IRAG1: variants seen among roughly 807,000 people sequenced by gnomAD.
IRAG1 encodes the protein inositol 1,4,5-triphosphate receptor associated 1, also known as IP3R-associated cGMP kinase substrate.
Under a neutral mutation model 106.2 loss-of-function variants are expected in IRAG1, and 62 were observed. The observed-to-expected ratio is 0.58, with a 90% CI of 0.48 to 0.72. IRAG1 has a LOEUF of 0.72. IRAG1 is among the 30% of genes least tolerant of loss of function. IRAG1 has a pLI of 0.00. For synonymous variants in IRAG1, 462 were observed against 443.9 expected, an observed-to-expected ratio of 1.04 and a Z score of -0.51; for missense variants, 1,064 against 1,140.7, an observed-to-expected ratio of 0.93 and a Z score of 0.97.
chr11:10,629,311 T>TC (rs1218907393), intron 5 of IRAG1, among the ~76,000 whole-genome samples: 2 of 151,860 alleles, frequency 1.3e-5, no homozygotes, highest in South Asian at 2.1e-4. Flanking sequence ...ACCCAGAAAT[T>TC]CCCCAAAGAC....
chr11:10,590,567 G>A (rs1193928097), intron 18 of IRAG1, among the ~76,000 whole-genome samples: 1 of 150,908 alleles, frequency 6.6e-6, no homozygotes, highest in Non-Finnish European at 1.5e-5. Context: ...CAAGGAAGAA[G>A]GAAGAATAAG....
At chr11:10,660,182 G>A (rs1440831979) in intron 1 of IRAG1, among the ~76,000 whole-genome samples, 2 of 152,182 alleles carry the variant, frequency 1.3e-5, no homozygotes, top group Non-Finnish European at 2.9e-5. Flanking sequence ...CAGCTCATAA[G>A]AGTCTAATGT....
intron 3 of IRAG1, among the ~76,000 whole-genome samples, chr11:10,632,432 C>T (rs887662913): frequency 3.3e-5 from 5 of 152,126 alleles, no homozygotes; most frequent in South Asian, 4.1e-4. Context: ...GTGATCTGCC[C>T]GCCTTGGCCT....
chr11:10,632,071 A>G lies in IRAG1; in HGVS notation c.330-10T>C. 3 of 1,608,408 alleles carry G rather than the reference A, an allele frequency of 1.9e-6. No individual in the cohort carries two copies. Among genetic ancestry groups the G allele is most frequent in the South Asian group, 1.1e-5 (1 of 90,950 alleles). ...GTGGGGACTGTGAACTCTGAAAGAC[A>G]GAACAGTCATCTTGTTCAGAAAATC... On this transcript the variant is annotated splice_polypyrimidine_tract_variant and intron_variant, in intron 3 of 20. Transcript: ENST00000423302.
chr11:10,603,263 T>C lies in IRAG1; in HGVS notation c.1744-12A>G, dbSNP rs2134336196. The C allele has an allele frequency of 6.2e-7, 1 of 1,612,458 alleles. No homozygotes were observed. The highest frequency in any genetic ancestry group is 2.2e-5 in the East Asian group (1 of 44,816). On this transcript the variant is annotated splice_polypyrimidine_tract_variant and intron_variant, in intron 13 of 20. Transcript: ENST00000423302. The stretch of plus-strand genomic sequence containing the variant: ...AGTGAAGCTGAGGACTGAACAGGAG[T>C]AGGAGCATCACCTGGGGTCCTCAAA...
intron 1 of IRAG1, chr11:10,652,434 A>G (rs913696571): frequency 1.6e-5 from 15 of 951,640 alleles, no homozygotes; most frequent in Non-Finnish European, 2.2e-5. Flanking sequence ...CTATCCCAGA[A>G]GGGAGAAATG....
chr11:10,644,226 G>A (rs990867660), intron 2 of IRAG1, among the ~76,000 whole-genome samples: 14 of 152,206 alleles, frequency 9.2e-5, no homozygotes, highest in Non-Finnish European at 1.5e-4. Context: ...ACAGCTAGGT[G>A]ATCTTTGACA....
intron 2 of IRAG1, among the ~76,000 whole-genome samples, chr11:10,634,756 TG>T (rs1194435653): frequency 1.4e-5 from 1 of 73,450 alleles, no homozygotes; most frequent in African/African-American, 3.9e-5. Flanking sequence ...AATATTCTTG[TG>T]TGTGTGTGTG....
intron 1 of IRAG1, among the ~76,000 whole-genome samples, chr11:10,653,503 TAGAAG>T (rs1477032491): frequency 1.3e-5 from 2 of 152,104 alleles, no homozygotes; most frequent in South Asian, 2.1e-4. Flanking sequence ...TGCTTCCTCT[TAGAAG>T]AGGAGACTAG....
chr11:10,631,925 C>A, intron 4 of IRAG1, 66 bp downstream of exon 4: 1 of 1,408,914 alleles, frequency 7.1e-7, no homozygotes, highest in Non-Finnish European at 1.0e-6. Context: ...AGGAAGGAGT[C>A]AAGCCCAGCC....
rs1856406077 is a variant in IRAG1 at position 10,628,184 on chromosome 11, C to T, written c.653-159G>A. ...TGTGCCAGGTTCTCAGGTGGGCCCT[C>T]ACAGAATGTTCACAGAGACCACAGG... On this transcript the variant is annotated intron_variant, in intron 6 of 20. Transcript: ENST00000423302. This position sits in a 1 kb window ranked among gnomAD's most constrained non-coding sequence, Gnocchi z 4.1. 1.3e-6 allele frequency: 1 copy of T among 771,778 alleles called. No homozygotes were observed. Among genetic ancestry groups the T allele is most frequent in the East Asian group, 2.7e-5 (1 of 37,424 alleles). The allele number at this position is 771,778 out of a possible 1,614,324, so 47.8% of individuals were successfully genotyped here.
rs536112888 is a variant in IRAG1, at chr11:10,625,057, G to GC, written c.1368+908dup. ...AGCAGCCACGCCCCAGCTCCCCTGT[G>GC]CCTCCAGTTCAGAGCATCATGAAGG... is the stretch of plus-strand genomic sequence containing the variant. On this transcript the variant is annotated intron_variant, in intron 9 of 20. Transcript: ENST00000423302. Among the ~76,000 whole-genome samples, 225 of 152,326 alleles carry GC rather than the reference G, an allele frequency of 1.5e-3. 1 individual carries two copies. Among genetic ancestry groups the GC allele is most frequent in the African/African-American group, 5.1e-3 (211 of 41,574 alleles).
chr11:10,656,719 G>A lies in IRAG1; in HGVS notation c.68-4537C>T, dbSNP rs113301277. On this transcript the variant is annotated intron_variant, in intron 1 of 20. Transcript: ENST00000423302. ...AGGATCTAGGGCTCAGAGAGGTTCC[G>A]CAACCTGCTCAAGATCACACAGCTA... Among the ~76,000 whole-genome samples the A allele has an allele frequency of 1.3e-3, 203 of 152,202 alleles. 2 individuals carry two copies. The highest frequency in any genetic ancestry group is 5.0e-3 in the Admixed American group (76 of 15,288).
chr11:10,676,705 A>C (rs752583949), intron 1 of IRAG1, among the ~76,000 whole-genome samples: 3 of 152,192 alleles, frequency 2.0e-5, no homozygotes, highest in Non-Finnish European at 2.9e-5. Context: ...AGACAAGGGG[A>C]TGAGACCGTG....
intron 10 of IRAG1, among the ~76,000 whole-genome samples, chr11:10,610,813 C>A (rs1854892643): frequency 6.6e-6 from 1 of 152,214 alleles, no homozygotes; most frequent in South Asian, 2.1e-4. Flanking sequence ...AAACTCTCAA[C>A]CTCTTTAGTT....
Position 10,600,941 on chromosome 11 carries a change from G to C in IRAG1, c.1994C>G (p.Ser665Ter), listed in dbSNP as rs367888807. The change falls in exon 15 of 21, where the codon TCA becomes TGA. Residue 665 changes from serine (S) to a stop codon, truncating the protein, a stop_gained. Coordinates refer to ENST00000423302, the MANE Select transcript of IRAG1 (RefSeq NM_130385.4). LOFTEE classifies it high-confidence loss of function. ...ACCAGAGGGGCCACAGCTGCGGCTT[G>C]AATTCTGATTTGCAAGCTTTTTAAA... is the stretch of plus-strand genomic sequence containing the variant. ...MEFKKLANQN[S>*]SRSCGPSEDG... 9.9e-6 allele frequency: 16 copies of C among 1,613,938 alleles called. No individual in the cohort carries two copies. Among genetic ancestry groups the C allele is most frequent in the Non-Finnish European group, 1.4e-5 (16 of 1,179,904 alleles).
At chr11:10,635,509 C>A (rs1351291799) in intron 2 of IRAG1, among the ~76,000 whole-genome samples, 1 of 152,204 alleles carries the variant, frequency 6.6e-6, no homozygotes, top group African/African-American at 2.4e-5. Context: ...CTCCACTAGC[C>A]CCACTGGCGG....
intron 1 of IRAG1, among the ~76,000 whole-genome samples, chr11:10,670,000 G>A (rs1383055695): frequency 6.6e-6 from 1 of 152,216 alleles, no homozygotes. Context: ...TAACCGAGGT[G>A]GGATGACTGC....
In IRAG1 at chr11:10,687,084, A is replaced by G. The variant is rs117092962; in HGVS notation, c.67+6452T>C. On this transcript the variant is annotated intron_variant, in intron 1 of 20. Transcript: ENST00000423302. The stretch of plus-strand genomic sequence containing the variant: ...CAAGTTCCCCACCAGGCATCTCTGG[A>G]GAAAAGATGAGGATTGATTAACTGG... Among the ~76,000 whole-genome samples the G allele has an allele frequency of 1.3e-4, 20 of 152,322 alleles. No homozygotes were observed. In the East Asian group the frequency reaches 3.3e-3, roughly 25 times the overall value.
Sources: allele counts gnomAD v4.1 joint callset (sites outside exome capture counted in the v4.1 genomes callset), GRCh38; gene constraint gnomAD v4.1.1; non-coding constraint Gnocchi (gnomAD v3.1); transcripts MANE v1.5; gene names NCBI Gene and HGNC (gene_info 2026-07-23, HGNC 2026-07-21).